Variants in DCUN1D3 observed in about 807,000 individuals in gnomAD.
The protein encoded by DCUN1D3 is defective in cullin neddylation 1 domain containing 3.
Under a neutral mutation model 24.8 loss-of-function variants are expected in DCUN1D3, and 6 were observed. The ratio of observed to expected loss-of-function variants is 0.24; its 90% confidence interval spans 0.13 to 0.48. The LOEUF (loss-of-function observed/expected upper bound fraction) is 0.48. Among genes scored for constraint, DCUN1D3 ranks in the 20% least tolerant of loss-of-function variants. The pLI is 0.99. For missense variants in DCUN1D3, 258 were observed against 379.4 expected, an observed-to-expected ratio of 0.68 and a Z score of 2.66; for synonymous variants, 120 against 144.9, an observed-to-expected ratio of 0.83 and a Z score of 1.24.
intron 1 of DCUN1D3, among the ~76,000 whole-genome samples, chr16:20,890,560 T>C (rs1262705909): frequency 1.3e-5 from 2 of 152,004 alleles, no homozygotes; most frequent in African/African-American, 2.4e-5. Context: ...GCCCCAGAGT[T>C]TGAAATGACA....
chr16:20,867,133 C>T (rs1489543766), intron 1 of DCUN1D3, among the ~76,000 whole-genome samples: 1 of 152,172 alleles, frequency 6.6e-6, no homozygotes, highest in Admixed American at 6.5e-5. Context: ...CATTTAAAAA[C>T]AAGGAAACTG....
At chr16:20,865,835 TC>T (rs796296777) in intron 1 of DCUN1D3, among the ~76,000 whole-genome samples, 7 of 152,322 alleles carry the variant, frequency 4.6e-5, no homozygotes, top group African/African-American at 1.7e-4. Flanking sequence ...GAGGATAAGC[TC>T]TGAGTATACA....
At chr16:20,870,936 TC>T (rs2081785385) in intron 1 of DCUN1D3, among the ~76,000 whole-genome samples, 2 of 152,204 alleles carry the variant, frequency 1.3e-5, no homozygotes, top group Non-Finnish European at 2.9e-5. Flanking sequence ...ACAGCCATCC[TC>T]CGGAGAGTCT....
intron 1 of DCUN1D3, among the ~76,000 whole-genome samples, chr16:20,865,282 A>AT (rs1443948792): frequency 1.3e-5 from 2 of 152,226 alleles, no homozygotes; most frequent in Non-Finnish European, 2.9e-5. Flanking sequence ...CAATCTTTAA[A>AT]TGGTAGGATA....
chr16:20,883,512 C>CA (rs777729190), intron 1 of DCUN1D3, among the ~76,000 whole-genome samples: 1,900 of 147,042 alleles, frequency 0.013, 24 homozygotes, highest in Middle Eastern at 0.021. Flanking sequence ...AACTCCATCT[C>CA]AAAAAAAAAA....
intron 1 of DCUN1D3, among the ~76,000 whole-genome samples, chr16:20,867,030 T>C (rs1671193189): frequency 6.6e-6 from 1 of 152,210 alleles, no homozygotes; most frequent in African/African-American, 2.4e-5. Context: ...CAGCTAATAA[T>C]AGCAGTCATC....
chr16:20,898,219 T>G lies in DCUN1D3; in HGVS notation c.-106+1985A>C, dbSNP rs376313048. On this transcript the variant is annotated intron_variant, in intron 1 of 2. Coordinates refer to ENST00000324344, the MANE Select transcript of DCUN1D3 (RefSeq NM_173475.4). ...GGATGGCTGGCTCCTTCTTTATACT[T>G]AAAGCTCAACTTAAGTGTCACTTCC... Among the ~76,000 whole-genome samples the G allele has an allele frequency of 9.1e-4, 139 of 152,348 alleles. 4 individuals carry two copies. The South Asian group carries it at 0.028, about 31-fold the overall frequency.
rs988192645 is a variant in DCUN1D3, at chr16:20,855,885, T to C, written c.*4001A>G. 5 of 152,198 alleles carry C rather than the reference T, an allele frequency of 3.3e-5. No homozygotes were observed. Among genetic ancestry groups the C allele is most frequent in the Non-Finnish European group, 5.9e-5 (4 of 68,032 alleles). The allele number at this position is 152,198 out of a possible 1,614,324, so 9.4% of individuals were successfully genotyped here. A position where few individuals can be genotyped will look rare whatever the true frequency, so the allele number is the denominator to read the frequency against. ...AGTCCTTTCAGTCGTTTAAACAAGATACTGCTGGAGTCCTCCAAGAAGACC... is the reference window on the plus strand; with the variant it reads ...AGTCCTTTCAGTCGTTTAAACAAGACACTGCTGGAGTCCTCCAAGAAGACC... On this transcript the variant is annotated 3_prime_UTR_variant, in exon 3 of 3. Transcript: ENST00000324344.
At chr16:20,882,093 G>A (rs193085130) in intron 1 of DCUN1D3, among the ~76,000 whole-genome samples, 3 of 150,892 alleles carry the variant, frequency 2.0e-5, no homozygotes, top group Non-Finnish European at 1.5e-5. Context: ...GAGCCACCGT[G>A]CCCGGCCTAG....
chr16:20,888,217 T>C (rs2081875886), intron 1 of DCUN1D3, among the ~76,000 whole-genome samples: 1 of 152,206 alleles, frequency 6.6e-6, no homozygotes, highest in African/African-American at 2.4e-5. Context: ...TAGCCAATAA[T>C]AGCTAATGTT....
At chr16:20,897,522 C>T (rs964077492) in intron 1 of DCUN1D3, among the ~76,000 whole-genome samples, 4 of 152,160 alleles carry the variant, frequency 2.6e-5, no homozygotes, top group Non-Finnish European at 5.9e-5. Context: ...AAGAGTGGAA[C>T]TATTGCAACA....
intron 1 of DCUN1D3, among the ~76,000 whole-genome samples, chr16:20,875,414 G>A (rs549279650): frequency 2.6e-5 from 4 of 152,214 alleles, no homozygotes; most frequent in Non-Finnish European, 5.9e-5. Context: ...GTATAGTCAT[G>A]TGCCTTCCAG....
intron 1 of DCUN1D3, among the ~76,000 whole-genome samples, chr16:20,869,867 C>T (rs1269585132): frequency 2.0e-5 from 3 of 152,072 alleles, no homozygotes; most frequent in Non-Finnish European, 4.4e-5. Context: ...ACTCTAAACT[C>T]GCCACTTTCC....
intron 1 of DCUN1D3, among the ~76,000 whole-genome samples, chr16:20,870,183 C>T (rs954859750): frequency 1.3e-5 from 2 of 152,310 alleles, no homozygotes; most frequent in Admixed American, 1.3e-4. Flanking sequence ...GGGACTACTT[C>T]ACCTTTTTTG....
At chr16:20,863,827 A>G (rs2081745887) in intron 1 of DCUN1D3, among the ~76,000 whole-genome samples, 1 of 152,188 alleles carries the variant, frequency 6.6e-6, no homozygotes, top group Admixed American at 6.5e-5. Flanking sequence ...ACACATCTAC[A>G]ACCATCTGAT....
rs550342989 is a variant in DCUN1D3, at chr16:20,860,945, G to A, written c.432-576C>T. On this transcript the variant is annotated intron_variant, in intron 2 of 2. Coordinates refer to ENST00000324344, the MANE Select transcript of DCUN1D3 (RefSeq NM_173475.4). This position sits in a 1 kb window ranked among gnomAD's most constrained non-coding sequence, Gnocchi z 4.3. Reference sequence around the variant, plus strand: ...CCCTTTCAGCTTACAGCATGGTCTCGCATTGATCGTCTTCTCAGGGACTGT... The same window carrying A: ...CCCTTTCAGCTTACAGCATGGTCTCACATTGATCGTCTTCTCAGGGACTGT... Among the ~76,000 whole-genome samples the A allele has an allele frequency of 4.6e-5, 7 of 152,302 alleles. No homozygotes were observed. The highest frequency in any genetic ancestry group is 3.4e-3 in the Middle Eastern group (1 of 294).
Position 20,860,770 on chromosome 16 carries a change from A to G in DCUN1D3, c.432-401T>C, listed in dbSNP as rs951979982. Among the ~76,000 whole-genome samples the G allele has an allele frequency of 4.6e-5, 7 of 152,170 alleles. No homozygotes were observed. The highest frequency in any genetic ancestry group is 1.7e-4 in the African/African-American group (7 of 41,516). On this transcript the variant is annotated intron_variant, in intron 2 of 2. Transcript: ENST00000324344. This position sits in a 1 kb window ranked among gnomAD's most constrained non-coding sequence, Gnocchi z 4.3. ...CTTCCTGTTTCCCTTCTGATTCTCT[A>G]TGGGTTGTTTGTTTGGGGTATATTT...
chr16:20,857,348 T>C lies in DCUN1D3; in HGVS notation c.*2538A>G, dbSNP rs1440627322. 1 of 152,198 alleles carries C rather than the reference T, an allele frequency of 6.6e-6. No individual in the cohort carries two copies. The highest frequency in any genetic ancestry group is 6.5e-5 in the Admixed American group (1 of 15,282). The allele number at this position is 152,198 out of a possible 1,614,324, so 9.4% of individuals were successfully genotyped here. A position where few individuals can be genotyped will look rare whatever the true frequency, so the allele number is the denominator to read the frequency against. ...GGATGAGGAGGCTAAATAGTTAATT[T>C]AAAAAACAACAAAATACATCCACTC... On this transcript the variant is annotated 3_prime_UTR_variant, in exon 3 of 3. Transcript: ENST00000324344.
Position 20,856,166 on chromosome 16 carries a change from T to C in DCUN1D3, c.*3720A>G, listed in dbSNP as rs970062745. 6.6e-6 allele frequency: 1 copy of C among 152,010 alleles called. No homozygotes were observed. Among genetic ancestry groups the C allele is most frequent in the Non-Finnish European group, 1.5e-5 (1 of 68,004 alleles). 9.4% of individuals were successfully genotyped at this position (152,010 alleles called of 1,614,324 possible). A position where few individuals can be genotyped will look rare whatever the true frequency, so the allele number is the denominator to read the frequency against. On this transcript the variant is annotated 3_prime_UTR_variant, in exon 3 of 3. Transcript: ENST00000324344. ...AACCAAACATTCTTAAATACATAGGTTGGTGTAAAAGTAATTGTGGTTTTT... is the reference window on the plus strand; with the variant it reads ...AACCAAACATTCTTAAATACATAGGCTGGTGTAAAAGTAATTGTGGTTTTT...
Sources: gnomAD v4.1 joint callset for allele counts (sites outside exome capture counted in the v4.1 genomes callset) on GRCh38, gnomAD v4.1.1 for gene constraint, Gnocchi (gnomAD v3.1) non-coding constraint, MANE v1.5 for transcripts, NCBI Gene and HGNC (gene_info 2026-07-23, HGNC 2026-07-21) for gene names.